EHMT2: variants seen among roughly 807,000 people sequenced by gnomAD.
The protein encoded by EHMT2 is histone-lysine N-methyltransferase EHMT2.
A neutral mutation model predicts 143.3 loss-of-function variants in EHMT2; 59 were observed. The ratio of observed to expected loss-of-function variants is 0.41; its 90% CI spans 0.33 to 0.51. The LOEUF is 0.51. Ranked by LOEUF, EHMT2 falls within the 20% of genes least tolerant of loss-of-function variation. The probability of loss-of-function intolerance (pLI) is 0.18; values close to 1 mark genes in which losing one functional copy is unlikely to be tolerated. For missense variants in EHMT2, 1,174 were observed against 1,645.9 expected, an observed-to-expected ratio of 0.71 and a Z score of 4.96; for synonymous variants, 604 against 651.5, an observed-to-expected ratio of 0.93 and a Z score of 1.11.
chr6:31,895,137 A>C (rs1766215591), intron 4 of EHMT2, among the ~76,000 whole-genome samples: 1 of 152,356 alleles, frequency 6.6e-6, no homozygotes, highest in African/African-American at 2.4e-5. Flanking sequence ...GGCAAAATTG[A>C]TCAGGCTCAG....
intron 4 of EHMT2, chr6:31,893,538 G>A (rs1226722368): frequency 3.5e-6 from 1 of 284,840 alleles, no homozygotes; most frequent in African/African-American, 2.2e-5. Flanking sequence ...TGTTGCCCAG[G>A]CTGGTCTTGA....
rs775189297 is a variant in EHMT2 at position 31,889,540 on chromosome 6, TTCTTCCTCC to T, written c.918_926del (p.Glu321_Glu323del). 82 of 1,611,948 alleles carry T rather than the reference TTCTTCCTCC, an allele frequency of 5.1e-5. 1 individual carries two copies. The highest frequency in any genetic ancestry group is 8.8e-5 in the South Asian group (8 of 91,090). Reference sequence around the variant, plus strand: ...CTTCCTCCTCCTCTTCCTCTTCTTCTTCTTCCTCCTCTTCCTCCTCCTCCTCTTCACTTA... The same window carrying T: ...CTTCCTCCTCCTCTTCCTCTTCTTCTTCTTCCTCCTCCTCCTCTTCACTTA... On this transcript the variant is annotated inframe_deletion, in exon 8 of 28. Transcript: ENST00000375537. The surrounding 1 kb of genome is among the most constrained non-coding windows in gnomAD (Gnocchi z 5.1).
At chr6:31,885,723 G>A (rs1254637356) in intron 18 of EHMT2, 1 of 152,120 alleles carries the variant, frequency 6.6e-6, no homozygotes, top group Non-Finnish European at 1.5e-5. Flanking sequence ...GCAAGACCCT[G>A]TCTCTTAAAA....
chr6:31,895,428 C>T (rs1041787516), intron 4 of EHMT2: 2 of 151,404 alleles, frequency 1.3e-5, no homozygotes, highest in East Asian at 1.9e-4. Context: ...AGGGCTAACT[C>T]CTACGCAGTG....
chr6:31,884,423 G>C lies in EHMT2; in HGVS notation c.2740C>G (p.Arg914Gly), dbSNP rs146704002. ...ATGATCTTCTCTGTGCGGATGGCCC[G>C]ATTTCCCACCCCAAGTCGGAGCTTG... Residue 914 changes from arginine (R) to glycine (G), a missense_variant, in exon 21 of 28, where the codon CGG becomes GGG. Physicochemically the swap from Arg to Gly is moderately radical, Grantham distance 125 (BLOSUM62 -2). Around this residue, in one of 6 missense-constraint regions of EHMT2, gnomAD observed 608 missense variants for 903.7 expected, o/e 0.67. Transcript: ENST00000375537. The surrounding 1 kb of genome is among the most constrained non-coding windows in gnomAD (Gnocchi z 7.3). The C allele has an allele frequency of 6.2e-7, 1 of 1,612,568 alleles. No individual in the cohort carries two copies. Among genetic ancestry groups the C allele is most frequent in the Admixed American group, 1.7e-5 (1 of 59,994 alleles).
At position 31,884,964 on chromosome 6, in the gene EHMT2, T is replaced by C; in HGVS notation, c.2396A>G (p.Glu799Gly). 1 of 1,611,322 alleles carries C rather than the reference T, an allele frequency of 6.2e-7. No homozygotes were observed. ...CCGCGTCAGTAGCATGCGGATCACCTCGATGTGCTTGTGCTCTGCAGCCCA... is the reference window on the plus strand; with the variant it reads ...CCGCGTCAGTAGCATGCGGATCACCCCGATGTGCTTGTGCTCTGCAGCCCA... The change falls in exon 19 of 28, where the codon GAG becomes GGG. Residue 799 changes from glutamate (E) to glycine (G), a missense_variant. This residue lies in a region of EHMT2 where 608 missense variants were observed against 903.7 expected (regional missense o/e 0.67). Transcript: ENST00000375537. The surrounding 1 kb of genome is among the most constrained non-coding windows in gnomAD (Gnocchi z 7.3).
chr6:31,889,024 G>A lies in EHMT2; in HGVS notation c.1161C>T (p.Val387=), dbSNP rs1476603903. ...TGGGCAGCTCCAGGGACCCCAGAGGGACCTCCATGTACTCACTGGGGCCTG... is the reference window on the plus strand; with the variant it reads ...TGGGCAGCTCCAGGGACCCCAGAGGAACCTCCATGTACTCACTGGGGCCTG... Residue 387 remains valine (V), a synonymous_variant, in exon 10 of 28, where the codon GTC becomes GTT. Coordinates refer to ENST00000375537, the Ensembl canonical transcript of EHMT2. This position sits in a 1 kb window ranked among gnomAD's most constrained non-coding sequence, Gnocchi z 5.1. 1 of 1,602,722 alleles carries A rather than the reference G, an allele frequency of 6.2e-7. No individual in the cohort carries two copies. The highest frequency in any genetic ancestry group is 1.7e-5 in the Admixed American group (1 of 57,176).
In EHMT2 at chr6:31,889,291, G is replaced by A. The variant is rs1322434870; in HGVS notation, c.1051C>T (p.Pro351Ser). The A allele has an allele frequency of 6.2e-7, 1 of 1,612,282 alleles. No homozygotes were observed. Among genetic ancestry groups the A allele is most frequent in the African/African-American group, 1.3e-5 (1 of 74,906 alleles). ...CGTTTCCGAGACGGCTTCACCCATG[G>A]GCTGTCTTTTCGCCATTTCTTCTTG... Residue 351 changes from proline (P) to serine (S), a missense_variant, in exon 9 of 28, where the codon CCA becomes TCA. Transcript: ENST00000375537. The surrounding 1 kb of genome is among the most constrained non-coding windows in gnomAD (Gnocchi z 5.1).
chr6:31,897,249 C>A, intron 1 of EHMT2: 1 of 1,073,758 alleles, frequency 9.3e-7, no homozygotes, highest in Non-Finnish European at 1.2e-6. Flanking sequence ...GGCCTCCGCG[C>A]CCCGGCCCCG....
At chr6:31,896,700 C>T in exon 3 of EHMT2, 3 of 1,611,936 alleles carry the variant, frequency 1.9e-6, no homozygotes, top group Non-Finnish European at 2.5e-6. Context: ...GGGTGTCAGC[C>T]CCCTCATCAC....
Position 31,896,423 on chromosome 6 carries a change from G to A in EHMT2, c.422C>T (p.Pro141Leu). ...CATAGCCAAACTCTGGACAGATGGA[G>A]GTGATTTTCCCGCCCCTGTCATTGA... is the stretch of plus-strand genomic sequence containing the variant. The change falls in exon 4 of 28, where the codon CCT (proline) becomes CTT (leucine). Residue 141 changes from proline (P) to leucine (L), a missense_variant. Physicochemically the swap from Pro to Leu is moderately conservative, Grantham distance 98 (BLOSUM62 -3). Around this residue, in one of 6 missense-constraint regions of EHMT2, gnomAD observed 399 missense variants for 404.4 expected, o/e 0.99. Transcript: ENST00000375537. 6.2e-7 allele frequency: 1 copy of A among 1,613,054 alleles called. No homozygotes were observed. Among genetic ancestry groups the A allele is most frequent in the Non-Finnish European group, 8.5e-7 (1 of 1,180,036 alleles).
Position 31,881,247 on chromosome 6 carries a change from G to GA in EHMT2, c.3198-156dup, listed in dbSNP as rs1295989911. 1.4e-6 allele frequency: 1 copy of GA among 695,224 alleles called. No homozygotes were observed. Among genetic ancestry groups the GA allele is most frequent in the African/African-American group, 1.8e-5 (1 of 57,106 alleles). The allele number at this position is 695,224 out of a possible 1,614,324, so 43.1% of individuals were successfully genotyped here. A position where few individuals can be genotyped will look rare whatever the true frequency, so the allele number is the denominator to read the frequency against. On this transcript the variant is annotated intron_variant, in intron 25 of 27. Transcript: ENST00000375537. This position sits in a 1 kb window ranked among gnomAD's most constrained non-coding sequence, Gnocchi z 4.8. ...CCTGGAGCAGCAGTGGTGGGCAAGT[G>GA]AAAGGGCAGCATTCCAGCCTTGACA... is the stretch of plus-strand genomic sequence containing the variant.
At chr6:31,891,944 A>G (rs1310025640) in intron 7 of EHMT2, among the ~76,000 whole-genome samples, 2 of 152,112 alleles carry the variant, frequency 1.3e-5, no homozygotes, top group Non-Finnish European at 1.5e-5. Context: ...CAGAATACAC[A>G]TTGAAAATGA....
chr6:31,886,780 T>G, exon 17 of EHMT2: 1 of 1,614,220 alleles, frequency 6.2e-7, no homozygotes, highest in African/African-American at 1.3e-5. Flanking sequence ...CACACCTTGC[T>G]ATAGACACAG....
chr6:31,882,864 G>A (rs1240755747), intron 24 of EHMT2, 30 bp downstream of exon 24: 1 of 1,611,722 alleles, frequency 6.2e-7, no homozygotes. Context: ...GTGAGGTGGG[G>A]AGAGGGTGGG....
rs139866894 is a variant in EHMT2 at position 31,887,745 on chromosome 6, C to T, written c.1928+34G>A. ...TCGACACCACTCCTCTGGCCTCAGCCCCAGTTGCTGTGCCTGAGCAACTCC... is the reference window on the plus strand; with the variant it reads ...TCGACACCACTCCTCTGGCCTCAGCTCCAGTTGCTGTGCCTGAGCAACTCC... On this transcript the variant is annotated intron_variant, in intron 14 of 27. Coordinates refer to ENST00000375537, the Ensembl canonical transcript of EHMT2. The T allele has an allele frequency of 2.4e-4, 384 of 1,602,728 alleles. 1 individual carries two copies. In the African/African-American group the frequency reaches 3.9e-3, roughly 16 times the overall value.
At chr6:31,896,756 C>T (rs999024309) in exon 3 of EHMT2, 20 of 1,612,926 alleles carry the variant, frequency 1.2e-5, no homozygotes, top group Admixed American at 1.7e-5. Flanking sequence ...CCAGCAGGCT[C>T]CAGGGAGTCG....
chr6:31,882,854 G>T (rs757329712), intron 24 of EHMT2, 40 bp downstream of exon 24: 1 of 1,611,576 alleles, frequency 6.2e-7, no homozygotes, highest in East Asian at 2.2e-5. Flanking sequence ...GGAGGAAAGG[G>T]TGAGGTGGGG....
chr6:31,897,292 C>T, intron 1 of EHMT2: 1 of 733,566 alleles, frequency 1.4e-6, no homozygotes, highest in Non-Finnish European at 1.9e-6. Flanking sequence ...GCCGCTCCCC[C>T]TTTGTCCCCC....
Sources: allele counts gnomAD v4.1 joint callset (sites outside exome capture counted in the v4.1 genomes callset), GRCh38; gene constraint gnomAD v4.1.1; regional missense constraint gnomAD v4.1.1; non-coding constraint Gnocchi (gnomAD v3.1); transcripts MANE v1.5; gene names NCBI Gene and HGNC (gene_info 2026-07-23, HGNC 2026-07-21).